The following CDH18 variants were observed in gnomAD, a reference collection of about 807,000 sequenced individuals.
CDH18 encodes the protein cadherin 18.
Under a neutral mutation model 67.9 loss-of-function variants are expected in CDH18, and 31 were observed. The ratio of observed to expected loss-of-function variants is 0.46; its 90% CI spans 0.34 to 0.62. CDH18 has a LOEUF of 0.62. Among genes scored for constraint, CDH18 ranks in the 20% least tolerant of loss-of-function variants. The probability of loss-of-function intolerance (pLI) is 0.01; values close to 1 mark genes in which losing one functional copy is unlikely to be tolerated. For synonymous variants in CDH18, 362 were observed against 347.2 expected, an observed-to-expected ratio of 1.04 and a Z score of -0.48; for missense variants, 890 against 975.5, an observed-to-expected ratio of 0.91 and a Z score of 1.17.
intron 1 of CDH18, among the ~76,000 whole-genome samples, chr5:20,462,930 T>C (rs1305831766): frequency 6.6e-6 from 1 of 152,178 alleles, no homozygotes; most frequent in Non-Finnish European, 1.5e-5. Context: ...TTGTTCTACT[T>C]TGTATTTCTA....
At chr5:20,345,175 T>C (rs910909076) in intron 1 of CDH18, among the ~76,000 whole-genome samples, 1 of 152,148 alleles carries the variant, frequency 6.6e-6, no homozygotes, top group Non-Finnish European at 1.5e-5. Flanking sequence ...ACTAATCTAA[T>C]AGATCCTTTG....
At position 19,639,238 on chromosome 5, in the gene CDH18, G is replaced by A. The variant is rs147871350; in HGVS notation, c.644-26637C>T. On this transcript the variant is annotated intron_variant, in intron 5 of 12. Transcript: ENST00000382275. ...AGGATGGTCTCTATCTCCTAATCTC[G>A]TGATCTGCCTGCCTCGGCCTCCCAA... Among the ~76,000 whole-genome samples the A allele has an allele frequency of 7.4e-3, 1,118 of 151,926 alleles. 15 individuals carry two copies. Among genetic ancestry groups the A allele is most frequent in the African/African-American group, 0.025 (1,056 of 41,464 alleles).
At chr5:19,550,534 A>G (rs1737233127) in intron 8 of CDH18, among the ~76,000 whole-genome samples, 1 of 151,300 alleles carries the variant, frequency 6.6e-6, no homozygotes, top group East Asian at 2.0e-4. Flanking sequence ...TGTCCTTGCG[A>G]TAGTTTGCTG....
chr5:20,190,627 G>T (rs1406183414), intron 2 of CDH18, among the ~76,000 whole-genome samples: 1 of 151,926 alleles, frequency 6.6e-6, no homozygotes, highest in African/African-American at 2.4e-5. Context: ...GCCTCTAACT[G>T]GAGGTTTCCC....
intron 5 of CDH18, among the ~76,000 whole-genome samples, chr5:19,661,464 T>C (rs1464238011): frequency 6.6e-6 from 1 of 151,924 alleles, no homozygotes; most frequent in East Asian, 1.9e-4. Context: ...TCTTTTAAAA[T>C]AAAATAATAT....
intron 1 of CDH18, among the ~76,000 whole-genome samples, chr5:20,551,553 C>A (rs371576231): frequency 2.9e-5 from 4 of 138,488 alleles, no homozygotes; most frequent in African/African-American, 9.9e-5. Flanking sequence ...TACAGCTGAT[C>A]TCTACAGCTG....
intron 2 of CDH18, among the ~76,000 whole-genome samples, chr5:19,921,636 G>T (rs185054729): frequency 1.3e-5 from 2 of 151,498 alleles, no homozygotes; most frequent in Admixed American, 1.3e-4. Flanking sequence ...CTGTAAAAAC[G>T]AGGAAAACTT....
At chr5:20,422,153 T>C (rs776390874) in intron 1 of CDH18, among the ~76,000 whole-genome samples, 6 of 151,008 alleles carry the variant, frequency 4.0e-5, no homozygotes, top group Non-Finnish European at 5.9e-5. Flanking sequence ...AATTTTGTTT[T>C]TCCAAATGTA....
chr5:19,542,342 A>G (rs1290566851), intron 9 of CDH18, among the ~76,000 whole-genome samples: 1 of 152,230 alleles, frequency 6.6e-6, no homozygotes. Flanking sequence ...AAAACAGTGC[A>G]TCCACATTGG....
At chr5:20,148,058 T>G (rs998823045) in intron 2 of CDH18, among the ~76,000 whole-genome samples, 3 of 151,966 alleles carry the variant, frequency 2.0e-5, no homozygotes, top group African/African-American at 4.8e-5. Context: ...TACTTTACCT[T>G]TGTTAAGCAT....
chr5:20,100,866 T>C (rs1329847024), intron 2 of CDH18, among the ~76,000 whole-genome samples: 1 of 152,202 alleles, frequency 6.6e-6, no homozygotes, highest in Non-Finnish European at 1.5e-5. Flanking sequence ...AGATTTTACT[T>C]TATATTTAAG....
intron 2 of CDH18, among the ~76,000 whole-genome samples, chr5:19,919,087 C>G (rs936190704): frequency 5.9e-5 from 9 of 151,860 alleles, no homozygotes; most frequent in Non-Finnish European, 1.2e-4. Context: ...GTAACAGAAA[C>G]CCCATAGAAA....
At chr5:19,987,286 A>G (rs913941580) in intron 1 of CDH18, among the ~76,000 whole-genome samples, 8 of 151,612 alleles carry the variant, frequency 5.3e-5, no homozygotes, top group African/African-American at 1.5e-4. Flanking sequence ...ACACACACAC[A>G]CACGCATAAG....
Position 19,751,126 on chromosome 5 carries a change from C to T in CDH18, c.229-3890G>A, listed in dbSNP as rs148340147. On this transcript the variant is annotated intron_variant, in intron 3 of 12. Coordinates refer to ENST00000382275, the MANE Select transcript of CDH18 (RefSeq NM_004934.5). ...GTAGTAACCTATGGCACTTAGAAAG[C>T]CAGCGTGACTCACATGAGTTCACTC... is the stretch of plus-strand genomic sequence containing the variant. Among the ~76,000 whole-genome samples, 4 of 152,198 alleles carry T rather than the reference C, an allele frequency of 2.6e-5. No homozygotes were observed. In the East Asian group the frequency reaches 7.8e-4, roughly 29 times the overall value.
chr5:19,824,410 G>A (rs774808692), intron 3 of CDH18, among the ~76,000 whole-genome samples: 2 of 152,154 alleles, frequency 1.3e-5, no homozygotes, highest in Non-Finnish European at 2.9e-5. Flanking sequence ...GTGAGTGATC[G>A]AGAGCTCCTA....
intron 2 of CDH18, among the ~76,000 whole-genome samples, chr5:20,238,113 C>T (rs944285593): frequency 6.6e-6 from 1 of 151,778 alleles, no homozygotes; most frequent in Non-Finnish European, 1.5e-5. Context: ...TTGAACCTTA[C>T]AAAAATTAAC....
At chr5:20,386,267 G>T (rs1268636240) in intron 1 of CDH18, among the ~76,000 whole-genome samples, 1 of 152,098 alleles carries the variant, frequency 6.6e-6, no homozygotes, top group Non-Finnish European at 1.5e-5. Context: ...CGTTTAAGCA[G>T]AATAATTTAT....
At chr5:19,926,135 T>C (rs1272413633) in intron 2 of CDH18, among the ~76,000 whole-genome samples, 1 of 152,132 alleles carries the variant, frequency 6.6e-6, no homozygotes, top group Non-Finnish European at 1.5e-5. Flanking sequence ...GTTCCATGTA[T>C]TTATTGAAAA....
intron 9 of CDH18, 32 bp downstream of exon 9, chr5:19,543,837 C>T: frequency 6.7e-7 from 1 of 1,490,836 alleles, no homozygotes; most frequent in Non-Finnish European, 9.1e-7. Flanking sequence ...GTACAAGTGA[C>T]ATCTTTTACT....
Sources: gnomAD v4.1 joint callset for allele counts (sites outside exome capture counted in the v4.1 genomes callset) on GRCh38, gnomAD v4.1.1 for gene constraint, MANE v1.5 for transcripts, NCBI Gene and HGNC (gene_info 2026-07-23, HGNC 2026-07-21) for gene names.